The following PCDHGA2 variants were observed in gnomAD, a reference collection of about 807,000 sequenced individuals.
PCDHGA2 encodes the protein protocadherin gamma subfamily A, 2, also known as protocadherin gamma-A2.
Under a neutral mutation model 59.2 loss-of-function variants are expected in PCDHGA2, and 40 were observed. The ratio of observed to expected loss-of-function variants is 0.68; its 90% CI spans 0.52 to 0.88. The LOEUF (loss-of-function observed/expected upper bound fraction) is 0.88. Ranked by LOEUF, PCDHGA2 falls within the 40% of genes least tolerant of loss-of-function variation. The probability of loss-of-function intolerance (pLI) is 0.00; values close to 1 mark genes in which losing one functional copy is unlikely to be tolerated. For missense variants in PCDHGA2, 1,226 were observed against 1,204.0 expected (o/e 1.02, Z -0.27); for synonymous variants, 560 against 526.0 (o/e 1.06, Z -0.89).
intron 1 of PCDHGA2, chr5:141,394,883 A>G (rs370442493): frequency 1.2e-6 from 2 of 1,611,604 alleles, no homozygotes; most frequent in African/African-American, 2.7e-5. Context: ...CGAGCCTTAC[A>G]CTCTATCTCG....
Position 141,432,771 on chromosome 5 carries a change from T to G in PCDHGA2, c.2425-62036T>G. The G allele has an allele frequency of 6.2e-7, 1 of 1,614,006 alleles. No homozygotes were observed. The highest frequency in any genetic ancestry group is 8.5e-7 in the Non-Finnish European group (1 of 1,179,966). On this transcript the variant is annotated intron_variant, in intron 1 of 3. Coordinates refer to ENST00000394576, the MANE Select transcript of PCDHGA2 (RefSeq NM_018915.4). This position sits in a 1 kb window ranked among gnomAD's most constrained non-coding sequence, Gnocchi z 6.0. ...GCCGTGGCCGACAGCATCCCCCAAG[T>G]CCTGGCGGACCTCGGCAGCCTCGAG...
intron 1 of PCDHGA2, among the ~76,000 whole-genome samples, chr5:141,456,297 A>G (rs537379475): frequency 6.6e-6 from 1 of 152,274 alleles, no homozygotes; most frequent in African/African-American, 2.4e-5. Context: ...CGTCTAATGG[A>G]GAACAGCAGC....
intron 1 of PCDHGA2, among the ~76,000 whole-genome samples, chr5:141,445,751 G>T (rs1211416281): frequency 2.0e-5 from 3 of 152,102 alleles, no homozygotes; most frequent in Non-Finnish European, 4.4e-5. Context: ...AAAAATAAAA[G>T]GTGTGACTCA....
chr5:141,374,116 C>G (rs1328761924), intron 1 of PCDHGA2: 9 of 1,580,694 alleles, frequency 5.7e-6, no homozygotes, highest in Non-Finnish European at 8.6e-7. Context: ...CGCAGCGCAG[C>G]GAGCAGGTCC....
rs1000330093 is a variant in PCDHGA2 at position 141,511,812 on chromosome 5, C to T, written c.*639C>T. 2.5e-5 allele frequency: 4 copies of T among 157,260 alleles called. No individual in the cohort carries two copies. Among genetic ancestry groups the T allele is most frequent in the African/African-American group, 9.6e-5 (4 of 41,492 alleles). The allele number at this position is 157,260 out of a possible 1,614,324, so 9.7% of individuals were successfully genotyped here. The stretch of plus-strand genomic sequence containing the variant: ...TAGGGAGGGCATTTTGCTACCAAGC[C>T]TCTTCCCAACGCCCTGGGGACCAGT... On this transcript the variant is annotated 3_prime_UTR_variant, in exon 4 of 4. Transcript: ENST00000394576.
chr5:141,413,567 A>G (rs950241336), intron 1 of PCDHGA2: 2 of 1,613,936 alleles, frequency 1.2e-6, no homozygotes, highest in Admixed American at 1.7e-5. Context: ...ACTGATATCA[A>G]TGACAATGCT....
intron 1 of PCDHGA2, chr5:141,416,112 T>C (rs555358881): frequency 6.4e-6 from 1 of 156,492 alleles, no homozygotes; most frequent in Non-Finnish European, 1.4e-5. Context: ...TTTTTCAAAC[T>C]ACATTTTATA....
intron 1 of PCDHGA2, among the ~76,000 whole-genome samples, chr5:141,449,869 T>G (rs1003364964): frequency 6.6e-6 from 1 of 151,924 alleles, no homozygotes; most frequent in African/African-American, 2.4e-5. Flanking sequence ...ATCAGAAAAT[T>G]TAACATCAAT....
chr5:141,360,940 C>A (rs753520735), intron 1 of PCDHGA2: 6 of 1,613,772 alleles, frequency 3.7e-6, no homozygotes, highest in South Asian at 2.2e-5. Context: ...AGCCACCGAC[C>A]GGGATGAAGG....
Position 141,497,143 on chromosome 5 carries a change from G to GA in PCDHGA2, c.2483+2287dup, listed in dbSNP as rs928640875. ...AGAGGTTGCAGTGAGCTGAGATCAC[G>GA]AAAAAAAAATAATCTAGCCACAAAT... On this transcript the variant is annotated intron_variant, in intron 2 of 3. Coordinates refer to ENST00000394576, the MANE Select transcript of PCDHGA2 (RefSeq NM_018915.4). 1.3e-3 allele frequency among the ~76,000 whole-genome samples: 194 copies of GA among 150,104 alleles called. 4 individuals are homozygous for GA. The highest frequency in any genetic ancestry group is 7.6e-3 in the Admixed American group (115 of 15,100).
chr5:141,413,962 AC>A, intron 1 of PCDHGA2: 1 of 1,613,404 alleles, frequency 6.2e-7, no homozygotes, highest in Non-Finnish European at 8.5e-7. Context: ...GCCTGTGGGC[AC>A]TCAGCTGCTG....
In PCDHGA2 at chr5:141,511,979, T is replaced by C. The variant is rs1205375941; in HGVS notation, c.*806T>C. ...AGGAAGGGAAGTGTGTGGATGTGGA[T>C]GGTGGGGGCATGGACAAAGCTTGAC... On this transcript the variant is annotated 3_prime_UTR_variant, in exon 4 of 4. Transcript: ENST00000394576. The C allele has an allele frequency of 6.5e-5, 10 of 153,278 alleles. No individual in the cohort carries two copies. The highest frequency in any genetic ancestry group is 1.5e-4 in the Non-Finnish European group (10 of 68,568). The allele number at this position is 153,278 out of a possible 1,614,324, so 9.5% of individuals were successfully genotyped here.
intron 1 of PCDHGA2, among the ~76,000 whole-genome samples, chr5:141,386,528 T>G (rs1181319415): frequency 6.6e-6 from 1 of 152,148 alleles, no homozygotes; most frequent in African/African-American, 2.4e-5. Context: ...AAGACTCTTT[T>G]TAGACTAGTG....
At chr5:141,364,270 G>A (rs1358806015) in intron 1 of PCDHGA2, 1 of 1,513,876 alleles carries the variant, frequency 6.6e-7, no homozygotes, top group African/African-American at 1.4e-5. Flanking sequence ...ATCGGCTTTA[G>A]ATAAATAAGG....
Position 141,366,053 on chromosome 5 carries a change from G to C in PCDHGA2, c.2424+24658G>C, listed in dbSNP as rs202185929. 161 of 1,614,252 alleles carry C rather than the reference G, an allele frequency of 1.0e-4. 1 individual carries two copies. The African/African-American group carries it at 1.7e-3, about 17-fold the overall frequency. On this transcript the variant is annotated intron_variant, in intron 1 of 3. Transcript: ENST00000394576. ...CCTCCCCACAGACGGTTCCACGGGCGTGGAGCTGGCGCCTCGCTCCGCAGA... is the reference window on the plus strand; with the variant it reads ...CCTCCCCACAGACGGTTCCACGGGCCTGGAGCTGGCGCCTCGCTCCGCAGA...
rs200765071 is a variant in PCDHGA2 at position 141,374,360 on chromosome 5, G to A, written c.2424+32965G>A. 304 of 1,613,908 alleles carry A rather than the reference G, an allele frequency of 1.9e-4. No homozygotes were observed. The highest frequency in any genetic ancestry group is 4.2e-4 in the Admixed American group (25 of 60,006). On this transcript the variant is annotated intron_variant, in intron 1 of 3. Transcript: ENST00000394576. ...GGTCACCGCGGGTAGGATAGACCGC[G>A]AGGAGCTCTGTGCTCAGAGCCCGCG...
intron 1 of PCDHGA2, among the ~76,000 whole-genome samples, chr5:141,358,637 A>C (rs1422577510): frequency 6.6e-6 from 1 of 152,218 alleles, no homozygotes; most frequent in Non-Finnish European, 1.5e-5. Context: ...TCAGTCATAT[A>C]TAAGTAGATT....
intron 1 of PCDHGA2, chr5:141,400,053 G>C: frequency 6.2e-7 from 1 of 1,613,736 alleles, no homozygotes; most frequent in Non-Finnish European, 8.5e-7. Flanking sequence ...TGGTTGCTGT[G>C]CGTGATGGTG....
Position 141,476,752 on chromosome 5 carries a change from A to T in PCDHGA2, c.2425-18055A>T, listed in dbSNP as rs771355583. On this transcript the variant is annotated intron_variant, in intron 1 of 3. Coordinates refer to ENST00000394576, the MANE Select transcript of PCDHGA2 (RefSeq NM_018915.4). This position sits in a 1 kb window ranked among gnomAD's most constrained non-coding sequence, Gnocchi z 7.6. ...GAGAACGGGAGCCTAGTCTCCAGTTAGTGCTGACGGCGTTGGACGGAGGGA... is the reference window on the plus strand; with the variant it reads ...GAGAACGGGAGCCTAGTCTCCAGTTTGTGCTGACGGCGTTGGACGGAGGGA... 1.2e-6 allele frequency: 2 copies of T among 1,613,926 alleles called. No individual in the cohort carries two copies. Among genetic ancestry groups the T allele is most frequent in the South Asian group, 2.2e-5 (2 of 91,080 alleles).
Sources: gnomAD v4.1 joint callset for allele counts (sites outside exome capture counted in the v4.1 genomes callset) on GRCh38, gnomAD v4.1.1 for gene constraint, Gnocchi (gnomAD v3.1) non-coding constraint, MANE v1.5 for transcripts, NCBI Gene and HGNC (gene_info 2026-07-23, HGNC 2026-07-21) for gene names.